Variants in AP1G1 observed in about 807,000 individuals in gnomAD.
The protein encoded by AP1G1 is AP-1 complex subunit gamma-1.
Under a neutral mutation model 108.3 loss-of-function variants are expected in AP1G1, and 7 were observed. That is an observed-to-expected ratio of 0.06 (90% CI 0.04 to 0.12). The LOEUF (loss-of-function observed/expected upper bound fraction) is 0.12, where lower values mean the gene tolerates loss of function less well. Among genes scored for constraint, AP1G1 ranks in the 10% least tolerant of loss-of-function variants. The pLI is 1.00. For synonymous variants in AP1G1, 379 were observed against 353.5 expected (o/e 1.07, Z -0.81); for missense variants, 756 against 1,010.7 (o/e 0.75, Z 3.42).
At chr16:71,759,965 T>C (rs545970804) in intron 10 of AP1G1, among the ~76,000 whole-genome samples, 1 of 152,222 alleles carries the variant, frequency 6.6e-6, no homozygotes, top group East Asian at 1.9e-4. Context: ...ACCAAAACTG[T>C]ATCTATAAAA....
Position 71,730,486 on chromosome 16 carries a change from T to C in AP1G1, c.*2572A>G, listed in dbSNP as rs2045466683. 1 of 152,482 alleles carries C rather than the reference T, an allele frequency of 6.6e-6. No individual in the cohort carries two copies. Among genetic ancestry groups the C allele is most frequent in the Non-Finnish European group, 1.5e-5 (1 of 68,056 alleles). 9.4% of individuals were successfully genotyped at this position (152,482 alleles called of 1,614,324 possible). ...CTGTGAAGTCGTAAATCCATCCAAATTTGCTCCCCCTTGAGTGGTTATACT... is the reference window on the plus strand; with the variant it reads ...CTGTGAAGTCGTAAATCCATCCAAACTTGCTCCCCCTTGAGTGGTTATACT... On this transcript the variant is annotated 3_prime_UTR_variant, in exon 23 of 23. Transcript: ENST00000299980.
At chr16:71,753,603 T>C in intron 13 of AP1G1, 1 of 517,240 alleles carries the variant, frequency 1.9e-6, no homozygotes, top group South Asian at 2.1e-5. Context: ...CCTCCCTGAC[T>C]AACTCTAATC....
chr16:71,746,705 T>C lies in AP1G1; in HGVS notation c.1626-13A>G. ...TTTCTTAATTCGGCTATAGATAAAA[T>C]GACAAACGAAATAAAATACCCAAAA... On this transcript the variant is annotated splice_polypyrimidine_tract_variant and intron_variant, in intron 16 of 22. Coordinates refer to ENST00000299980, the MANE Select transcript of AP1G1 (RefSeq NM_001128.6). The C allele has an allele frequency of 6.3e-7, 1 of 1,584,902 alleles. No individual in the cohort carries two copies. Among genetic ancestry groups the C allele is most frequent in the Non-Finnish European group, 8.6e-7 (1 of 1,159,506 alleles).
chr16:71,776,177 A>T, intron 2 of AP1G1, among the ~76,000 whole-genome samples: 1 of 152,240 alleles, frequency 6.6e-6, no homozygotes, highest in East Asian at 1.9e-4. Context: ...ACTAAATTCG[A>T]AAGTGAAATT....
intron 21 of AP1G1, among the ~76,000 whole-genome samples, chr16:71,736,117 A>AAAT (rs1555550846): frequency 1.4e-5 from 1 of 71,622 alleles, no homozygotes; most frequent in Non-Finnish European, 2.4e-5. Flanking sequence ...AAAAAAAAAA[A>AAAT]ATATATATAT....
chr16:71,763,099 C>T (rs1291414075), intron 9 of AP1G1, among the ~76,000 whole-genome samples: 1 of 152,124 alleles, frequency 6.6e-6, no homozygotes, highest in African/African-American at 2.4e-5. Flanking sequence ...TGGAGCTGGA[C>T]ATGATGGCTC....
Position 71,750,268 on chromosome 16 carries a change from T to G in AP1G1, c.1349A>C (p.Glu450Ala), listed in dbSNP as rs2030415415. The change falls in exon 14 of 23, where the codon GAG becomes GCG. Residue 450 changes from glutamate to alanine, a missense_variant. Transcript: ENST00000299980. ...GCGCTGGACAGTATAGGCATGCATC[T>G]CCACACTATTAGTTATTAACTGGAT... ...NLIQLITNSV[E>A]MHAYTVQRLY... 1.9e-6 allele frequency: 3 copies of G among 1,614,030 alleles called. No homozygotes were observed. The highest frequency in any genetic ancestry group is 1.1e-5 in the South Asian group (1 of 91,078).
chr16:71,779,247 C>T (rs1051865589), intron 2 of AP1G1, among the ~76,000 whole-genome samples: 4 of 151,874 alleles, frequency 2.6e-5, no homozygotes, highest in African/African-American at 7.3e-5. Context: ...TATGGGTCAC[C>T]GCCCCCACCC....
rs1008372382 is a variant in AP1G1 at position 71,808,170 on chromosome 16, T to C, written c.-4+593A>G. The C allele has an allele frequency of 8.0e-6, 9 of 1,121,984 alleles. No homozygotes were observed. The South Asian group carries it at 1.8e-4, about 23-fold the overall frequency. The allele number at this position is 1,121,984 out of a possible 1,614,324, so 69.5% of individuals were successfully genotyped here. On this transcript the variant is annotated intron_variant, in intron 1 of 22. Transcript: ENST00000299980. ...CAGGAGCTGAGAAAAGGGTAAACAGTATACTCGCAGGTAGGTTGAAAAAAA... is the reference window on the plus strand; with the variant it reads ...CAGGAGCTGAGAAAAGGGTAAACAGCATACTCGCAGGTAGGTTGAAAAAAA...
At chr16:71,801,122 C>T (rs1349695060) in intron 1 of AP1G1, among the ~76,000 whole-genome samples, 2 of 152,144 alleles carry the variant, frequency 1.3e-5, no homozygotes, top group East Asian at 3.9e-4. Flanking sequence ...GCCAGGCCAA[C>T]ATGGCGAAAC....
intron 9 of AP1G1, among the ~76,000 whole-genome samples, chr16:71,762,311 A>C (rs2031127047): frequency 6.6e-6 from 1 of 152,190 alleles, no homozygotes; most frequent in Non-Finnish European, 1.5e-5. Context: ...TGATATGGTG[A>C]AATACATATG....
chr16:71,777,516 C>T, intron 2 of AP1G1: 1 of 276,412 alleles, frequency 3.6e-6, no homozygotes, highest in Non-Finnish European at 7.6e-6. Flanking sequence ...TAGCAAGGAG[C>T]CAGGCGAAGA....
intron 1 of AP1G1, among the ~76,000 whole-genome samples, chr16:71,802,248 G>C (rs1188187969): frequency 6.6e-6 from 1 of 152,138 alleles, no homozygotes; most frequent in East Asian, 1.9e-4. Flanking sequence ...AGTCTTAAAA[G>C]GAAGCAAAAG....
chr16:71,759,891 CT>C (rs1388989002), intron 10 of AP1G1, among the ~76,000 whole-genome samples: 1 of 151,804 alleles, frequency 6.6e-6, no homozygotes, highest in African/African-American at 2.4e-5. Flanking sequence ...TTAAGGCTGC[CT>C]TTCCCCCAAA....
chr16:71,733,756 T>C (rs1172453465), intron 22 of AP1G1, among the ~76,000 whole-genome samples: 1 of 152,222 alleles, frequency 6.6e-6, no homozygotes, highest in African/African-American at 2.4e-5. Context: ...ATACTCATCG[T>C]ACGCTCTCCA....
At chr16:71,768,600 A>C (rs1210957167) in intron 6 of AP1G1, among the ~76,000 whole-genome samples, 4 of 151,090 alleles carry the variant, frequency 2.6e-5, no homozygotes, top group Admixed American at 6.6e-5. Flanking sequence ...GTAATAAAAA[A>C]ATTTTTAGTT....
Position 71,774,579 on chromosome 16 carries a change from T to G in AP1G1, c.215A>C (p.Lys72Thr). 1 of 1,568,786 alleles carries G rather than the reference T, an allele frequency of 6.4e-7. No individual in the cohort carries two copies. Among genetic ancestry groups the G allele is most frequent in the Non-Finnish European group, 8.6e-7 (1 of 1,164,300 alleles). ...PAHFGQLECL[K>T]LIASQKFTDK... ...TGTAAATTTTTGAGAGGCAATAAGC[T>G]TGAGGCACTCCAACTGCAAAAAAAG... Residue 72 changes from lysine to threonine, a missense_variant, in exon 3 of 23, where the codon AAG becomes ACG. This residue lies in a region of AP1G1 where 304 missense variants were observed against 483.6 expected (regional missense o/e 0.63). Coordinates refer to ENST00000299980, the MANE Select transcript of AP1G1 (RefSeq NM_001128.6).
At chr16:71,760,166 G>C (rs1048004079) in intron 10 of AP1G1, among the ~76,000 whole-genome samples, 14 of 151,710 alleles carry the variant, frequency 9.2e-5, no homozygotes, top group Admixed American at 9.2e-4. Context: ...CACCACGCCC[G>C]GCAATCCAAG....
intron 19 of AP1G1, among the ~76,000 whole-genome samples, chr16:71,740,900 T>C (rs1484513315): frequency 6.6e-6 from 1 of 152,258 alleles, no homozygotes; most frequent in Non-Finnish European, 1.5e-5. Flanking sequence ...CATTAAATTT[T>C]GTAGATGTTA....
Sources: allele counts gnomAD v4.1 joint callset (sites outside exome capture counted in the v4.1 genomes callset), GRCh38; gene constraint gnomAD v4.1.1; regional missense constraint gnomAD v4.1.1; transcripts MANE v1.5; gene names NCBI Gene and HGNC (gene_info 2026-07-23, HGNC 2026-07-21).